Variants in ANKMY1 observed in about 807,000 individuals in gnomAD.
ANKMY1 encodes ankyrin repeat and MYND domain containing 1.
A neutral mutation model predicts 102.0 loss-of-function variants in ANKMY1; 98 were observed. That is an observed-to-expected ratio of 0.96 (90% CI 0.82 to 1.14). The LOEUF (loss-of-function observed/expected upper bound fraction) is 1.14, where lower values mean the gene tolerates loss of function less well. Ranked by LOEUF, ANKMY1 falls within the 50% of genes most tolerant of loss-of-function variation. ANKMY1 has a pLI of 0.00. For missense variants in ANKMY1, 1,330 were observed against 1,347.6 expected (o/e 0.99, Z 0.20); for synonymous variants, 582 against 559.9 (o/e 1.04, Z -0.56).
Position 240,511,953 on chromosome 2 carries a change from G to T in ANKMY1, c.2194C>A (p.Pro732Thr). 2 of 1,569,014 alleles carry T rather than the reference G, an allele frequency of 1.3e-6. No individual in the cohort carries two copies. The highest frequency in any genetic ancestry group is 2.0e-5 in the Admixed American group (1 of 50,538). ...GTGTCCGTGCTGTAGTAGGCTTGGG[G>T]AGGGCCTGGCTCATTGCTGAGCTTC... is the stretch of plus-strand genomic sequence containing the variant. ...SLKLSNEPGP[P>T]QAYYSTDTAL... Residue 732 changes from proline (P) to threonine (T), a missense_variant, in exon 11 of 18, where the codon CCC becomes ACC. Coordinates refer to ENST00000401804, the MANE Select transcript of ANKMY1 (RefSeq NM_001282771.3).
rs1317382536 is a variant in ANKMY1 at position 240,481,001 on chromosome 2, C to T, written c.2982G>A (p.Lys994=). ...CGGTCCAGGCCTTGGTCTTGCAGTA[C>T]TTGCTGCAGGTCAGGATCCCGTAGC... ...PRCYGILTCS[K]YCKTKAWTEF... Residue 994 remains lysine (K), a synonymous_variant, in exon 17 of 18, where the codon AAG becomes AAA. Coordinates refer to ENST00000401804, the MANE Select transcript of ANKMY1 (RefSeq NM_001282771.3). 15 of 1,614,010 alleles carry T rather than the reference C, an allele frequency of 9.3e-6. No individual in the cohort carries two copies. In the East Asian group the frequency reaches 2.5e-4, roughly 26 times the overall value.
chr2:240,520,641 G>A lies in ANKMY1; in HGVS notation c.1833-108C>T. 1 of 1,350,990 alleles carries A rather than the reference G, an allele frequency of 7.4e-7. No individual in the cohort carries two copies. The highest frequency in any genetic ancestry group is 1.5e-5 in the South Asian group (1 of 68,782). 83.7% of individuals were successfully genotyped at this position (1,350,990 alleles called of 1,614,324 possible). Reference sequence around the variant, plus strand: ...CTGGGGAGGGGCGCGTAGGGAGTATGTGTGTGCCGCAACTACACAATCACA... The same window carrying A: ...CTGGGGAGGGGCGCGTAGGGAGTATATGTGTGCCGCAACTACACAATCACA... On this transcript the variant is annotated intron_variant, in intron 8 of 17. Coordinates refer to ENST00000401804, the MANE Select transcript of ANKMY1 (RefSeq NM_001282771.3). This position sits in a 1 kb window ranked among gnomAD's most constrained non-coding sequence, Gnocchi z 4.8.
intron 10 of ANKMY1, 103 bp from the exon 11 acceptor site, chr2:240,512,104 G>A: frequency 3.0e-6 from 4 of 1,354,470 alleles, no homozygotes; most frequent in Non-Finnish European, 3.8e-6. Context: ...CGGGTCTGGA[G>A]TCTCACCCTG....
intron 2 of ANKMY1, chr2:240,555,393 G>A: frequency 3.3e-6 from 1 of 302,548 alleles, no homozygotes; most frequent in South Asian, 5.5e-5. Context: ...CCAGCTGCCT[G>A]CAGGACGTGG....
chr2:240,536,828 A>T (rs2086889273), intron 4 of ANKMY1, among the ~76,000 whole-genome samples: 1 of 152,140 alleles, frequency 6.6e-6, no homozygotes. Context: ...ACTTTCTTAA[A>T]TGTATAATTT....
rs2084860292 is a variant in ANKMY1 at position 240,529,705 on chromosome 2, A to G, written c.481-196T>C. Among the ~76,000 whole-genome samples, 1 of 152,138 alleles carries G rather than the reference A, an allele frequency of 6.6e-6. No homozygotes were observed. The highest frequency in any genetic ancestry group is 1.5e-5 in the Non-Finnish European group (1 of 68,002). On this transcript the variant is annotated intron_variant, in intron 4 of 17. Coordinates refer to ENST00000401804, the MANE Select transcript of ANKMY1 (RefSeq NM_001282771.3). This position sits in a 1 kb window ranked among gnomAD's most constrained non-coding sequence, Gnocchi z 4.2. ...CGGACCAGCTCTCCCGAGGAACAGG[A>G]AGGAGGGCACTCCAGAGAGTGCATG...
chr2:240,469,693 TACAAC>T, the ANKMY1 span, among the ~76,000 whole-genome samples: 3 of 122,800 alleles, frequency 2.4e-5, no homozygotes, highest in Non-Finnish European at 5.5e-5. Context: ...AACGAACACA[TACAAC>T]ACCCTGTACA....
intron 4 of ANKMY1, among the ~76,000 whole-genome samples, chr2:240,536,904 A>T (rs1193829284): frequency 1.3e-5 from 2 of 152,142 alleles, no homozygotes; most frequent in Non-Finnish European, 1.5e-5. Context: ...TTTTTAAAAT[A>T]AATAGAGAGA....
intron 4 of ANKMY1, among the ~76,000 whole-genome samples, chr2:240,540,660 CCA>C (rs2088490305): frequency 6.6e-6 from 1 of 152,178 alleles, no homozygotes; most frequent in African/African-American, 2.4e-5. Context: ...AGACTGAGCC[CCA>C]GTCTCCTCCG....
intron 4 of ANKMY1, among the ~76,000 whole-genome samples, chr2:240,538,175 C>T (rs778778134): frequency 1.5e-4 from 23 of 152,270 alleles, no homozygotes; most frequent in African/African-American, 2.2e-4. Context: ...CGTCCGCTCC[C>T]GCCGCGCTTG....
intron 15 of ANKMY1, among the ~76,000 whole-genome samples, chr2:240,495,507 G>T (rs147923139): frequency 3.4e-4 from 52 of 152,318 alleles, no homozygotes; most frequent in Non-Finnish European, 4.7e-4. Flanking sequence ...AATGGCGTAA[G>T]CTGTCTCTCC....
chr2:240,483,461 TTA>T (rs1226086865), intron 15 of ANKMY1, among the ~76,000 whole-genome samples: 1 of 152,164 alleles, frequency 6.6e-6, no homozygotes, highest in Non-Finnish European at 1.5e-5. Context: ...CTGGCCTGTA[TTA>T]TTTAATTTAT....
intron 4 of ANKMY1, among the ~76,000 whole-genome samples, chr2:240,546,269 A>C (rs1466643460): frequency 1.3e-5 from 2 of 150,462 alleles, no homozygotes; most frequent in African/African-American, 4.8e-5. Flanking sequence ...TAAGCTTCAT[A>C]AGTGAAGGAG....
chr2:240,499,667 G>A lies in ANKMY1; in HGVS notation c.2806+291C>T, dbSNP rs1046795077. On this transcript the variant is annotated intron_variant, in intron 15 of 17. Coordinates refer to ENST00000401804, the MANE Select transcript of ANKMY1 (RefSeq NM_001282771.3). The surrounding 1 kb of genome is among the most constrained non-coding windows in gnomAD (Gnocchi z 4.2). Reference sequence around the variant, plus strand: ...GACTGGCACTCCTGACAGGGCTCCCGCAGCAGTGCCTAGTTCTCTCCTGGG... The same window carrying A: ...GACTGGCACTCCTGACAGGGCTCCCACAGCAGTGCCTAGTTCTCTCCTGGG... 1.3e-5 allele frequency among the ~76,000 whole-genome samples: 2 copies of A among 152,134 alleles called. No homozygotes were observed. The highest frequency in any genetic ancestry group is 6.5e-5 in the Admixed American group (1 of 15,300).
rs1261967300 is a variant in ANKMY1, at chr2:240,520,219, C to T, written c.2004+143G>A. On this transcript the variant is annotated intron_variant, in intron 9 of 17. Transcript: ENST00000401804. The surrounding 1 kb of genome is among the most constrained non-coding windows in gnomAD (Gnocchi z 4.8). ...CGGGCTGTGGGACCCCCCACTGCGG[C>T]GCGCCGTCATCACTCACAGCCCAGG... The T allele has an allele frequency of 4.0e-6, 5 of 1,255,948 alleles. No individual in the cohort carries two copies. The African/African-American group carries it at 4.5e-5, about 11-fold the overall frequency. The allele number at this position is 1,255,948 out of a possible 1,614,324, so 77.8% of individuals were successfully genotyped here. A position where few individuals can be genotyped will look rare whatever the true frequency, so the allele number is the denominator to read the frequency against.
intron 9 of ANKMY1, chr2:240,519,968 C>T (rs1407615540): frequency 1.5e-5 from 6 of 397,660 alleles, no homozygotes; most frequent in Non-Finnish European, 3.2e-5. Context: ...GATAAAACCT[C>T]AGCACCAAAA....
At chr2:240,501,202 G>A (rs184699954) in intron 13 of ANKMY1, among the ~76,000 whole-genome samples, 2 of 151,796 alleles carry the variant, frequency 1.3e-5, no homozygotes, top group Admixed American at 6.6e-5. Context: ...TGCAGTATGT[G>A]TGCGTGCATG....
intron 4 of ANKMY1, among the ~76,000 whole-genome samples, chr2:240,544,789 C>T (rs1158884122): frequency 2.0e-5 from 3 of 152,234 alleles, no homozygotes; most frequent in Admixed American, 6.5e-5. Flanking sequence ...CCGAATACTG[C>T]GCTTTTCTGA....
Position 240,520,042 on chromosome 2 carries a change from C to T in ANKMY1, c.2004+320G>A, listed in dbSNP as rs2081890665. 3.6e-6 allele frequency: 2 copies of T among 555,428 alleles called. No individual in the cohort carries two copies. Among genetic ancestry groups the T allele is most frequent in the Non-Finnish European group, 7.1e-6 (2 of 281,388 alleles). The allele number at this position is 555,428 out of a possible 1,614,324, so 34.4% of individuals were successfully genotyped here. On this transcript the variant is annotated intron_variant, in intron 9 of 17. Transcript: ENST00000401804. The surrounding 1 kb of genome is among the most constrained non-coding windows in gnomAD (Gnocchi z 4.8). The stretch of plus-strand genomic sequence containing the variant: ...CGTGGGTTGAAAGGAGGCCCGCCTC[C>T]TCCTGAATATAAGTCTCCCCTTTCC...
Sources: allele counts gnomAD v4.1 joint callset (sites outside exome capture counted in the v4.1 genomes callset), GRCh38; gene constraint gnomAD v4.1.1; non-coding constraint Gnocchi (gnomAD v3.1); transcripts MANE v1.5; gene names NCBI Gene and HGNC (gene_info 2026-07-23, HGNC 2026-07-21).